Variants in MECOM observed in about 807,000 individuals in gnomAD.
MECOM encodes MDS1 and EVI1 complex locus.
In MECOM, 13 loss-of-function variants were observed where a neutral mutation model predicts 116.3. That is an observed-to-expected ratio of 0.11 (90% CI 0.07 to 0.18). The LOEUF is 0.18. Among genes scored for constraint, MECOM ranks in the 10% least tolerant of loss-of-function variants. The pLI is 1.00. For synonymous variants in MECOM, 528 were observed against 535.2 expected (o/e 0.99, Z 0.19); for missense variants, 1,299 against 1,509.0 (o/e 0.86, Z 2.31).
intron 1 of MECOM, among the ~76,000 whole-genome samples, chr3:169,413,193 G>A (rs1283182338): frequency 6.6e-6 from 1 of 152,170 alleles, no homozygotes; most frequent in Admixed American, 6.5e-5. Context: ...AGTGGTTGCA[G>A]CCCACAGAGG....
At chr3:169,378,456 AGC>A (rs1560196828) in intron 2 of MECOM, among the ~76,000 whole-genome samples, 1 of 51,660 alleles carries the variant, frequency 1.9e-5, no homozygotes, top group African/African-American at 1.6e-4. Flanking sequence ...AAAGAAGGAA[AGC>A]AAGCAAGCAA....
At chr3:169,384,074 T>C (rs975870120) in intron 1 of MECOM, among the ~76,000 whole-genome samples, 67 of 152,228 alleles carry the variant, frequency 4.4e-4, no homozygotes, top group Non-Finnish European at 2.5e-4. Context: ...GTTTAATGTG[T>C]ATGATTGTTT....
intron 5 of MECOM, among the ~76,000 whole-genome samples, chr3:169,123,128 G>A (rs1034428652): frequency 1.3e-5 from 2 of 151,628 alleles, no homozygotes; most frequent in African/African-American, 4.8e-5. Context: ...AATTAAGTGA[G>A]TAGTCAATTA....
chr3:169,552,295 A>G (rs1400391975), intron 1 of MECOM, among the ~76,000 whole-genome samples: 5 of 146,224 alleles, frequency 3.4e-5, no homozygotes, highest in African/African-American at 1.2e-4. Context: ...TAGTCTATGC[A>G]TTCTTTTTTT....
intron 2 of MECOM, among the ~76,000 whole-genome samples, chr3:169,296,182 T>C (rs186960382): frequency 5.3e-5 from 8 of 152,290 alleles, no homozygotes; most frequent in Admixed American, 5.2e-4. Context: ...GGCCCTTGCT[T>C]TCCCCCTCCA....
chr3:169,102,333 G>T, intron 10 of MECOM, 107 bp from the exon 11 acceptor site: 1 of 1,011,336 alleles, frequency 9.9e-7, no homozygotes, highest in Non-Finnish European at 1.4e-6. Flanking sequence ...AATCTGCGAC[G>T]GGTTGTAGAA....
chr3:169,390,663 G>A (rs1329101731), intron 1 of MECOM, among the ~76,000 whole-genome samples: 1 of 152,148 alleles, frequency 6.6e-6, no homozygotes, highest in Non-Finnish European at 1.5e-5. Context: ...TGTGACCACA[G>A]CTCTGCTTCA....
At chr3:169,614,123 T>TTC (rs1553899413) in intron 1 of MECOM, among the ~76,000 whole-genome samples, 23 of 149,754 alleles carry the variant, frequency 1.5e-4, no homozygotes, top group African/African-American at 3.9e-4. Flanking sequence ...TCTTTTTTTT[T>TTC]TCTCTCTCTC....
At chr3:169,207,886 C>G (rs1750162904) in intron 2 of MECOM, among the ~76,000 whole-genome samples, 1 of 152,138 alleles carries the variant, frequency 6.6e-6, no homozygotes, top group Non-Finnish European at 1.5e-5. Context: ...GTTCCCCCAC[C>G]ACCCACTGAC....
chr3:169,188,297 A>C (rs1747035816), intron 2 of MECOM, among the ~76,000 whole-genome samples: 1 of 152,064 alleles, frequency 6.6e-6, no homozygotes, highest in African/African-American at 2.4e-5. Context: ...ACAGGAGATT[A>C]AAATAAAAGA....
intron 1 of MECOM, among the ~76,000 whole-genome samples, chr3:169,407,760 A>G (rs187621585): frequency 1.3e-5 from 2 of 152,364 alleles, no homozygotes; most frequent in Non-Finnish European, 2.9e-5. Flanking sequence ...ACATTTACCT[A>G]TCTATATTCC....
At chr3:169,316,442 A>G (rs1335909603) in intron 2 of MECOM, among the ~76,000 whole-genome samples, 1 of 152,238 alleles carries the variant, frequency 6.6e-6, no homozygotes, top group East Asian at 1.9e-4. Context: ...ACAAAGTTTG[A>G]TGATTTTATA....
chr3:169,101,644 A>G (rs1458369787), intron 11 of MECOM, among the ~76,000 whole-genome samples: 2 of 152,184 alleles, frequency 1.3e-5, no homozygotes, highest in Non-Finnish European at 2.9e-5. Flanking sequence ...AAAATTTACT[A>G]GCTAGTTTTA....
intron 1 of MECOM, among the ~76,000 whole-genome samples, chr3:169,594,174 A>AAAAAAAAAAAAAAAAAAAAAAAAAAACC (rs1255613781): frequency 7.9e-6 from 1 of 125,934 alleles, no homozygotes; most frequent in African/African-American, 3.2e-5. Flanking sequence ...AAAAAAAAAA[A>AAAAAAAAAAAAAAAAAAAAAAAAAAACC]AACACCTTTT....
chr3:169,621,875 T>C (rs1321401531), intron 1 of MECOM, among the ~76,000 whole-genome samples: 2 of 152,192 alleles, frequency 1.3e-5, no homozygotes, highest in African/African-American at 4.8e-5. Flanking sequence ...ACTGTCACTC[T>C]CAGCCCTCAC....
chr3:169,521,391 C>A (rs929123294), intron 1 of MECOM, among the ~76,000 whole-genome samples: 1 of 152,084 alleles, frequency 6.6e-6, no homozygotes, highest in African/African-American at 2.4e-5. Flanking sequence ...CATCTCTTAT[C>A]CAAGAGGAAA....
chr3:169,144,919 C>A, intron 2 of MECOM: 1 of 1,090,434 alleles, frequency 9.2e-7, no homozygotes, highest in South Asian at 1.4e-5. Flanking sequence ...AAATTAAACT[C>A]TTGAGTACTG....
chr3:169,134,617 T>C (rs556200100), intron 3 of MECOM, among the ~76,000 whole-genome samples: 1 of 152,314 alleles, frequency 6.6e-6, no homozygotes, highest in African/African-American at 2.4e-5. Context: ...CTTACCAAGC[T>C]AGTCCTTTTC....
chr3:169,472,503 G>GA (rs1560317500), intron 1 of MECOM, among the ~76,000 whole-genome samples: 9 of 82,874 alleles, frequency 1.1e-4, no homozygotes, highest in African/African-American at 3.9e-4. Context: ...GAAAGGAAAG[G>GA]AAAGGAAAGG....
Sources: allele counts gnomAD v4.1 joint callset (sites outside exome capture counted in the v4.1 genomes callset), GRCh38; gene constraint gnomAD v4.1.1; transcripts MANE v1.5; gene names NCBI Gene and HGNC (gene_info 2026-07-23, HGNC 2026-07-21).